Variants in MSL1 observed in about 807,000 individuals in gnomAD.
MSL1 encodes male-specific lethal 1 homolog.
In MSL1, 21 loss-of-function variants were observed where a neutral mutation model predicts 64.6. The observed-to-expected ratio is 0.33, with a 90% confidence interval of 0.23 to 0.47. The LOEUF is 0.47. MSL1 is among the 20% of genes least tolerant of loss of function. The pLI is 1.00. For synonymous variants in MSL1, 339 were observed against 329.6 expected (o/e 1.03, Z -0.31); for missense variants, 664 against 793.2 (o/e 0.84, Z 1.96).
At chr17:40,125,198 C>G (rs985557141) in intron 1 of MSL1, among the ~76,000 whole-genome samples, 8 of 152,098 alleles carry the variant, frequency 5.3e-5, no homozygotes, top group Admixed American at 5.2e-4. Context: ...TTCCTTTTAA[C>G]TAAAACTAAA....
rs1988521213 is a variant in MSL1 at position 40,135,411 on chromosome 17, C to T, written c.*1042C>T. ...TGTTAAAATATCAGGATAGCACTCC[C>T]AGGCCACTTTGGTCTCAGTGTAAGA... On this transcript the variant is annotated 3_prime_UTR_variant, in exon 9 of 9. Transcript: ENST00000398532. The T allele has an allele frequency of 6.6e-6, 1 of 152,302 alleles. No homozygotes were observed. The highest frequency in any genetic ancestry group is 1.5e-5 in the Non-Finnish European group (1 of 68,036). 9.4% of individuals were successfully genotyped at this position (152,302 alleles called of 1,614,324 possible). A position where few individuals can be genotyped will look rare whatever the true frequency, so the allele number is the denominator to read the frequency against.
chr17:40,123,675 G>C (rs1988247252), intron 1 of MSL1, among the ~76,000 whole-genome samples: 1 of 152,048 alleles, frequency 6.6e-6, no homozygotes, highest in Non-Finnish European at 1.5e-5. Flanking sequence ...GGAAAAAGAC[G>C]TGATCTGTGA....
rs1048713385 is a variant in MSL1, at chr17:40,129,497, C to G, written c.1245C>G (p.Ala415=). 13 of 1,613,802 alleles carry G rather than the reference C, an allele frequency of 8.1e-6. No individual in the cohort carries two copies. The highest frequency in any genetic ancestry group is 2.7e-5 in the African/African-American group (2 of 74,896). Residue 415 remains alanine (A), a synonymous_variant, in exon 3 of 9, where the codon GCC becomes GCG. Transcript: ENST00000398532. Reference sequence around the variant, plus strand: ...CCAGCACCCATCCCAAGGAGAAAGCCTTCTCAAGTGAGATAGAAGATTTGC... The same window carrying G: ...CCAGCACCCATCCCAAGGAGAAAGCGTTCTCAAGTGAGATAGAAGATTTGC... The part of the protein sequence containing the change: ...KGPSTHPKEK[A]FSSEIEDLPY...
intron 3 of MSL1, chr17:40,129,908 G>A (rs1201109003): frequency 1.6e-5 from 6 of 364,498 alleles, no homozygotes; most frequent in Admixed American, 4.5e-5. Context: ...TGTAATCTCC[G>A]GCAACTTGCA....
rs756940210 is a variant in MSL1, at chr17:40,132,060, G to C, written c.1450G>C (p.Glu484Gln). ...AVPSWRDHSV[E>Q]PLRDPNPSDL... The stretch of plus-strand genomic sequence containing the variant: ...TCCTTCTTGGAGGGACCACTCAGTA[G>C]AGCCTCTAAGGGACCCAAATCCTTC... Residue 484 changes from glutamate to glutamine, a missense_variant, in exon 5 of 9, where the codon GAG becomes CAG. Glu to Gln is a conservative substitution (Grantham distance 29). Around this residue, in one of 4 missense-constraint regions of MSL1, gnomAD observed 119 missense variants for 164.3 expected, o/e 0.72. Transcript: ENST00000398532. 6.2e-7 allele frequency: 1 copy of C among 1,602,418 alleles called. No individual in the cohort carries two copies.
intron 5 of MSL1, among the ~76,000 whole-genome samples, chr17:40,132,389 G>A (rs988254070): frequency 5.3e-5 from 8 of 152,314 alleles, no homozygotes; most frequent in African/African-American, 1.9e-4. Flanking sequence ...TATAATCCCA[G>A]CACTTTGGGA....
At position 40,133,115 on chromosome 17, in the gene MSL1, G is replaced by T; in HGVS notation, c.1556+6G>T. ...GATGAGAAGAGAAGGAAAAGGTGAG[G>T]CCAGAGATGTCCATCCTGGAAACAA... On this transcript the variant is annotated splice_donor_region_variant and intron_variant, in intron 6 of 8. Transcript: ENST00000398532. 1 of 1,603,246 alleles carries T rather than the reference G, an allele frequency of 6.2e-7. No individual in the cohort carries two copies. Among genetic ancestry groups the T allele is most frequent in the Non-Finnish European group, 8.5e-7 (1 of 1,174,746 alleles).
In MSL1 at chr17:40,134,999, T is replaced by G. The variant is rs1988513520; in HGVS notation, c.*630T>G. 6.6e-6 allele frequency: 1 copy of G among 152,376 alleles called. No homozygotes were observed. The highest frequency in any genetic ancestry group is 1.5e-5 in the Non-Finnish European group (1 of 68,052). 9.4% of individuals were successfully genotyped at this position (152,376 alleles called of 1,614,324 possible). A position where few individuals can be genotyped will look rare whatever the true frequency, so the allele number is the denominator to read the frequency against. ...GTGGGAAGGGATGTTTGGCTGTGAT[T>G]ATTTTTTCAGTTAATGGATAACAAT... On this transcript the variant is annotated 3_prime_UTR_variant, in exon 9 of 9. Transcript: ENST00000398532.
intron 2 of MSL1, among the ~76,000 whole-genome samples, chr17:40,129,021 A>G (rs1295633758): frequency 6.6e-6 from 1 of 151,970 alleles, no homozygotes; most frequent in Non-Finnish European, 1.5e-5. Context: ...CTCAAAAACA[A>G]AACAAAACAA....
chr17:40,122,534 C>T lies in MSL1; in HGVS notation c.-79C>T, dbSNP rs539980187. 5.3e-6 allele frequency: 5 copies of T among 947,812 alleles called. No individual in the cohort carries two copies. Among genetic ancestry groups the T allele is most frequent in the South Asian group, 2.4e-5 (1 of 42,284 alleles). The allele number at this position is 947,812 out of a possible 1,614,324, so 58.7% of individuals were successfully genotyped here. Reference sequence around the variant, plus strand: ...AGCCCGCCAAACTCCCCTCCCCCCCCTCAGTCCTCGACCCCCCGCACCTCG... The same window carrying T: ...AGCCCGCCAAACTCCCCTCCCCCCCTTCAGTCCTCGACCCCCCGCACCTCG... On this transcript the variant is annotated 5_prime_UTR_variant, in exon 1 of 9. Transcript: ENST00000398532. The surrounding 1 kb of genome is among the most constrained non-coding windows in gnomAD (Gnocchi z 4.2).
Position 40,131,950 on chromosome 17 carries a change from T to C in MSL1, c.1424-84T>C, listed in dbSNP as rs1396673540. On this transcript the variant is annotated intron_variant, in intron 4 of 8. Transcript: ENST00000398532. The surrounding 1 kb of genome is among the most constrained non-coding windows in gnomAD (Gnocchi z 4.5). ...TTGTCTCTTCTGGGGAGAGACCTCT[T>C]ATCCTAGTGAATAGTTGTGCAACTT... 3.1e-6 allele frequency: 3 copies of C among 982,580 alleles called. No individual in the cohort carries two copies. The highest frequency in any genetic ancestry group is 4.7e-6 in the Non-Finnish European group (3 of 642,360). 60.9% of individuals were successfully genotyped at this position (982,580 alleles called of 1,614,324 possible).
chr17:40,133,130 C>T, intron 6 of MSL1, 21 bp downstream of exon 6: 1 of 1,593,620 alleles, frequency 6.3e-7, no homozygotes, highest in Non-Finnish European at 8.6e-7. Context: ...AGATGTCCAT[C>T]CTGGAAACAA....
chr17:40,135,268 TC>T lies in MSL1; in HGVS notation c.*901del, dbSNP rs1273382252. 1 of 152,214 alleles carries T rather than the reference TC, an allele frequency of 6.6e-6. No homozygotes were observed. Among genetic ancestry groups the T allele is most frequent in the Non-Finnish European group, 1.5e-5 (1 of 67,998 alleles). 9.4% of individuals were successfully genotyped at this position (152,214 alleles called of 1,614,324 possible). A position where few individuals can be genotyped will look rare whatever the true frequency, so the allele number is the denominator to read the frequency against. On this transcript the variant is annotated 3_prime_UTR_variant, in exon 9 of 9. Transcript: ENST00000398532. ...GGGGGAGAGTGTGGAAATAGGTGCT[TC>T]CTTTGGCTGGCAAATGTCTACATCT...
At chr17:40,124,158 G>GT (rs1214974785) in intron 1 of MSL1, among the ~76,000 whole-genome samples, 2 of 152,080 alleles carry the variant, frequency 1.3e-5, no homozygotes, top group African/African-American at 2.4e-5. Flanking sequence ...ACACAGGCTT[G>GT]TTTTTACTGC....
At position 40,126,479 on chromosome 17, in the gene MSL1, T is replaced by C. The variant is rs1367300128; in HGVS notation, c.992+73T>C. On this transcript the variant is annotated intron_variant, in intron 2 of 8. Transcript: ENST00000398532. ...AGAGTAGGAGATTGGGATTTATGAA[T>C]TGGTTTTATAGCAATCATAACTTGC... 5.7e-6 allele frequency: 8 copies of C among 1,396,430 alleles called. No homozygotes were observed. In the Admixed American group the frequency reaches 1.3e-4, roughly 23 times the overall value. The allele number at this position is 1,396,430 out of a possible 1,614,324, so 86.5% of individuals were successfully genotyped here.
rs999696136 is a variant in MSL1 at position 40,123,354 on chromosome 17, G to C, written c.742G>C (p.Glu248Gln). ...GCTGCAGGCCAAGGAAAAGGAGATC[G>C]AGGAGCTGAAGTCAGAGAGAGACAC... Reference protein sequence around the residue: ...QQLQAKEKEIEELKSERDTLL... With the variant: ...QQLQAKEKEIQELKSERDTLL... Residue 248 changes from glutamate to glutamine, a missense_variant, in exon 1 of 9, where the codon GAG becomes CAG. By Grantham distance (29) the Glu-to-Gln change is conservative (BLOSUM62 2). Coordinates refer to ENST00000398532, the MANE Select transcript of MSL1 (RefSeq NM_001365919.1). 2.0e-6 allele frequency: 3 copies of C among 1,536,360 alleles called. No individual in the cohort carries two copies. The highest frequency in any genetic ancestry group is 2.6e-6 in the Non-Finnish European group (3 of 1,146,908).
At chr17:40,130,677 ATCTAACC>A (rs1199992542) in intron 3 of MSL1, among the ~76,000 whole-genome samples, 1 of 152,186 alleles carries the variant, frequency 6.6e-6, no homozygotes, top group Non-Finnish European at 1.5e-5. Context: ...CGTCTTAATG[ATCTAACC>A]TCTATTAGGC....
intron 5 of MSL1, among the ~76,000 whole-genome samples, chr17:40,132,341 A>T (rs1384115612): frequency 6.6e-6 from 1 of 152,190 alleles, no homozygotes; most frequent in Admixed American, 6.5e-5. Context: ...ATTTTATGCT[A>T]AGTAGAAAAG....
rs1988206150 is a variant in MSL1, at chr17:40,122,594, G to T, written c.-19G>T. The T allele has an allele frequency of 7.3e-7, 1 of 1,367,124 alleles. No homozygotes were observed. Among genetic ancestry groups the T allele is most frequent in the South Asian group, 1.6e-5 (1 of 63,998 alleles). The allele number at this position is 1,367,124 out of a possible 1,614,324, so 84.7% of individuals were successfully genotyped here. On this transcript the variant is annotated 5_prime_UTR_variant, in exon 1 of 9. Transcript: ENST00000398532. This position sits in a 1 kb window ranked among gnomAD's most constrained non-coding sequence, Gnocchi z 4.2. The stretch of plus-strand genomic sequence containing the variant: ...CACCCCCTCCTCCGCCTCGGTGCCC[G>T]GCGCTGCTCCGGACCACTATGACCA...
Sources: gnomAD v4.1 joint callset for allele counts (sites outside exome capture counted in the v4.1 genomes callset) on GRCh38, gnomAD v4.1.1 for gene constraint, gnomAD v4.1.1 regional missense constraint, Gnocchi (gnomAD v3.1) non-coding constraint, MANE v1.5 for transcripts, NCBI Gene and HGNC (gene_info 2026-07-23, HGNC 2026-07-21) for gene names.